MSRA: variants seen among roughly 807,000 people sequenced by gnomAD.
MSRA encodes methionine sulfoxide reductase A.
In MSRA, 54 loss-of-function variants were observed where a neutral mutation model predicts 31.3. The observed-to-expected ratio is 1.73, with a 90% confidence interval of 1.39 to 2.17. The LOEUF (loss-of-function observed/expected upper bound fraction) is 2.17, where lower values mean the gene tolerates loss of function less well. MSRA is among the 30% of genes most tolerant of loss of function. The pLI is 0.00. For synonymous variants in MSRA, 169 were observed against 116.5 expected (o/e 1.45, Z -2.90); for missense variants, 507 against 300.9 (o/e 1.69, Z -5.07).
intron 2 of MSRA, among the ~76,000 whole-genome samples, chr8:10,214,651 G>A (rs970329391): frequency 1.3e-5 from 2 of 152,176 alleles, no homozygotes; most frequent in Non-Finnish European, 2.9e-5. Context: ...ATTGAAATGT[G>A]TTTATAATTA....
chr8:10,328,964 T>C (rs1168473451), intron 5 of MSRA, among the ~76,000 whole-genome samples: 1 of 152,194 alleles, frequency 6.6e-6, no homozygotes, highest in Non-Finnish European at 1.5e-5. Context: ...GAGGCTATGC[T>C]GTATATTAAA....
At chr8:10,245,929 G>T (rs929021930) in intron 3 of MSRA, among the ~76,000 whole-genome samples, 4 of 152,226 alleles carry the variant, frequency 2.6e-5, no homozygotes, top group African/African-American at 9.7e-5. Context: ...TCTACCGCAT[G>T]AGACAGACAT....
intron 1 of MSRA, among the ~76,000 whole-genome samples, chr8:10,163,106 A>G (rs532025661): frequency 2.6e-5 from 4 of 152,244 alleles, no homozygotes; most frequent in Admixed American, 6.5e-5. Context: ...GGAGGACACA[A>G]TGGGAGGTTG....
At chr8:10,423,648 CAGAG>C (rs1808949834) in intron 5 of MSRA, among the ~76,000 whole-genome samples, 2 of 152,194 alleles carry the variant, frequency 1.3e-5, no homozygotes, top group Non-Finnish European at 2.9e-5. Flanking sequence ...CCGTGGATGA[CAGAG>C]AGGCATTCTT....
intron 1 of MSRA, among the ~76,000 whole-genome samples, chr8:10,091,671 A>G (rs553834734): frequency 4.7e-5 from 7 of 149,454 alleles, no homozygotes; most frequent in African/African-American, 1.5e-4. Context: ...CAATGGTGCG[A>G]TCTTGGCTCA....
chr8:10,256,326 T>C (rs985724721), intron 3 of MSRA, among the ~76,000 whole-genome samples: 1 of 152,240 alleles, frequency 6.6e-6, no homozygotes, highest in Non-Finnish European at 1.5e-5. Flanking sequence ...CACTGAATAA[T>C]ATTCCATGGC....
At chr8:10,325,624 TTGCAAAATCAGCA>T (rs1387161293) in intron 5 of MSRA, among the ~76,000 whole-genome samples, 1 of 152,228 alleles carries the variant, frequency 6.6e-6, no homozygotes, top group Non-Finnish European at 1.5e-5. Context: ...AATACAAACA[TTGCAAAATCAGCA>T]ATTTGCAATG....
At chr8:10,206,560 T>G (rs768782921) in intron 1 of MSRA, among the ~76,000 whole-genome samples, 10 of 152,236 alleles carry the variant, frequency 6.6e-5, no homozygotes, top group Non-Finnish European at 1.0e-4. Flanking sequence ...AGAGATTTAC[T>G]TGCCATTGCT....
At position 10,165,997 on chromosome 8, in the gene MSRA, C is replaced by T. The variant is rs566826562; in HGVS notation, c.143-41836C>T. ...CTTGGCAGTGATTCCAGAGTCTGGGCGTAAAACATCTGTGTCCAGTGCACA... is the reference window on the plus strand; with the variant it reads ...CTTGGCAGTGATTCCAGAGTCTGGGTGTAAAACATCTGTGTCCAGTGCACA... On this transcript the variant is annotated intron_variant, in intron 1 of 5. Coordinates refer to ENST00000317173, the MANE Select transcript of MSRA (RefSeq NM_012331.5). Among the ~76,000 whole-genome samples the T allele has an allele frequency of 1.2e-4, 19 of 152,232 alleles. No individual in the cohort carries two copies. In the South Asian group the frequency reaches 3.9e-3, roughly 32 times the overall value.
chr8:10,151,284 A>G (rs1803651675), intron 1 of MSRA, among the ~76,000 whole-genome samples: 1 of 150,950 alleles, frequency 6.6e-6, no homozygotes, highest in Non-Finnish European at 1.5e-5. Context: ...AAAAAAAAAA[A>G]AAAATAAGGG....
At chr8:10,072,554 C>A (rs1028940626) in intron 1 of MSRA, among the ~76,000 whole-genome samples, 5 of 152,164 alleles carry the variant, frequency 3.3e-5, no homozygotes, top group Admixed American at 3.3e-4. Flanking sequence ...CCACCTTATT[C>A]TTCCCTTTCA....
rs149569125 is a variant in MSRA at position 10,387,948 on chromosome 8, C to T, written c.544-40200C>T. On this transcript the variant is annotated intron_variant, in intron 5 of 5. Coordinates refer to ENST00000317173, the MANE Select transcript of MSRA (RefSeq NM_012331.5). ...TCAAAAATGCTTGGCATGCCAAAGCCGCCTATTTTAGGGTATTGTTCTCTG... is the reference window on the plus strand; with the variant it reads ...TCAAAAATGCTTGGCATGCCAAAGCTGCCTATTTTAGGGTATTGTTCTCTG... Among the ~76,000 whole-genome samples the T allele has an allele frequency of 4.9e-3, 743 of 152,206 alleles. 4 individuals carry two copies. The highest frequency in any genetic ancestry group is 0.015 in the African/African-American group (638 of 41,528).
intron 5 of MSRA, chr8:10,411,516 A>C (rs986192941): frequency 1.3e-5 from 2 of 151,820 alleles, no homozygotes; most frequent in African/African-American, 4.8e-5. Context: ...AAAAAACCCA[A>C]TCATTGAATT....
intron 1 of MSRA, among the ~76,000 whole-genome samples, chr8:10,113,896 A>G (rs1340317121): frequency 6.6e-6 from 1 of 152,192 alleles, no homozygotes; most frequent in Non-Finnish European, 1.5e-5. Context: ...GGCCATCACC[A>G]CTGTCTAATT....
In MSRA at chr8:10,187,188, C is replaced by G. The variant is rs757579846; in HGVS notation, c.143-20645C>G. Among the ~76,000 whole-genome samples the G allele has an allele frequency of 2.3e-4, 35 of 152,150 alleles. 1 individual carries two copies. Among genetic ancestry groups the G allele is most frequent in the Admixed American group, 3.3e-4 (5 of 15,288 alleles). On this transcript the variant is annotated intron_variant, in intron 1 of 5. Coordinates refer to ENST00000317173, the MANE Select transcript of MSRA (RefSeq NM_012331.5). Reference sequence around the variant, plus strand: ...ATGGTACGACCAGCCGCTGATTGAGCCCCCTTTGACATTTGGTCTCCACAT... The same window carrying G: ...ATGGTACGACCAGCCGCTGATTGAGGCCCCTTTGACATTTGGTCTCCACAT...
intron 5 of MSRA, chr8:10,337,522 T>C (rs1803132008): frequency 3.4e-6 from 2 of 586,006 alleles, no homozygotes; most frequent in South Asian, 2.0e-5. Flanking sequence ...GACTGTGTGC[T>C]ACTAGGCTAC....
chr8:10,280,789 G>C (rs1332948095), intron 3 of MSRA, among the ~76,000 whole-genome samples: 3 of 152,202 alleles, frequency 2.0e-5, no homozygotes, highest in Non-Finnish European at 4.4e-5. Context: ...ACGCGCATCA[G>C]CGTGTGAATG....
At position 10,301,565 on chromosome 8, in the gene MSRA, G is replaced by A. The variant is rs762892844; in HGVS notation, c.363G>A (p.Val121=). ...EKTGHAEVVR[V]VYQPEHMSFE... ...CTGGCCATGCAGAAGTCGTCCGAGT[G>A]GTGTACCAGCCAGAACACATGAGTT... is the stretch of plus-strand genomic sequence containing the variant. The change falls in exon 4 of 6, where the codon GTG becomes GTA. Residue 121 remains valine, a synonymous_variant. Coordinates refer to ENST00000317173, the MANE Select transcript of MSRA (RefSeq NM_012331.5). 19 of 1,614,030 alleles carry A rather than the reference G, an allele frequency of 1.2e-5. No homozygotes were observed. Among genetic ancestry groups the A allele is most frequent in the Non-Finnish European group, 1.4e-5 (17 of 1,180,004 alleles).
intron 1 of MSRA, among the ~76,000 whole-genome samples, chr8:10,184,372 A>G (rs1029732272): frequency 1.3e-5 from 2 of 151,992 alleles, no homozygotes; most frequent in African/African-American, 2.4e-5. Flanking sequence ...CTTCCAAAGA[A>G]GCAGAAAGAA....
Sources: gnomAD v4.1 joint callset for allele counts (sites outside exome capture counted in the v4.1 genomes callset) on GRCh38, gnomAD v4.1.1 for gene constraint, MANE v1.5 for transcripts, NCBI Gene and HGNC (gene_info 2026-07-23, HGNC 2026-07-21) for gene names.